Variants in CSMD1 observed in about 807,000 individuals in gnomAD.
CSMD1 encodes CUB and sushi domain-containing protein 1.
CSMD1 carries 213 observed loss-of-function variants against 417.5 expected under a neutral mutation model. That is an observed-to-expected ratio of 0.51 (90% CI 0.46 to 0.57). The LOEUF is 0.57. Ranked by LOEUF, CSMD1 falls within the 20% of genes least tolerant of loss-of-function variation. The probability of loss-of-function intolerance (pLI) is 0.00; values close to 1 mark genes in which losing one functional copy is unlikely to be tolerated. For missense variants in CSMD1, 6,923 were observed against 4,529.7 expected (o/e 1.53, Z -15.17); for synonymous variants, 2,862 against 1,736.8 (o/e 1.65, Z -16.11).
chr8:4,389,360 G>A (rs920528824), intron 3 of CSMD1, among the ~76,000 whole-genome samples: 19 of 152,108 alleles, frequency 1.2e-4, no homozygotes, highest in African/African-American at 4.3e-4. Context: ...GATATGTGGA[G>A]GGAGTACTTG....
intron 11 of CSMD1, among the ~76,000 whole-genome samples, chr8:3,481,406 T>A (rs1817742889): frequency 6.6e-6 from 1 of 152,124 alleles, no homozygotes; most frequent in African/African-American, 2.4e-5. Context: ...CAGATAATAA[T>A]TTCAAAAAGT....
At chr8:3,203,067 C>T (rs925867253) in intron 31 of CSMD1, among the ~76,000 whole-genome samples, 12 of 152,128 alleles carry the variant, frequency 7.9e-5, no homozygotes, top group African/African-American at 2.7e-4. Flanking sequence ...AAAAGTGAAT[C>T]ATCCACAGAT....
intron 17 of CSMD1, among the ~76,000 whole-genome samples, chr8:3,389,385 G>A (rs147888962): frequency 1.6e-3 from 237 of 152,164 alleles, no homozygotes; most frequent in African/African-American, 5.5e-3. Flanking sequence ...GCCTGTTGCT[G>A]CATTAGTTTG....
chr8:4,675,977 A>G (rs908793960), intron 1 of CSMD1, among the ~76,000 whole-genome samples: 6 of 152,214 alleles, frequency 3.9e-5, no homozygotes, highest in African/African-American at 9.6e-5. Context: ...TTTTATAGAT[A>G]ATAGCAATTC....
At chr8:4,603,445 G>C (rs1800701183) in intron 2 of CSMD1, among the ~76,000 whole-genome samples, 1 of 151,948 alleles carries the variant, frequency 6.6e-6, no homozygotes, top group Non-Finnish European at 1.5e-5. Flanking sequence ...GAATGTACAG[G>C]AGTTAGCAAG....
At chr8:3,353,751 T>C (rs1159527194) in intron 21 of CSMD1, among the ~76,000 whole-genome samples, 1 of 96,584 alleles carries the variant, frequency 1.0e-5, no homozygotes, top group Non-Finnish European at 2.4e-5. Flanking sequence ...AATACTAATT[T>C]AAGATGAATG....
At chr8:4,258,175 C>T (rs889996069) in intron 3 of CSMD1, among the ~76,000 whole-genome samples, 1 of 150,092 alleles carries the variant, frequency 6.7e-6, no homozygotes, top group Non-Finnish European at 1.5e-5. Context: ...AAACTCCTGG[C>T]CTCAAGCAAT....
chr8:3,317,423 A>C (rs17079915), intron 23 of CSMD1, among the ~76,000 whole-genome samples: 2,470 of 152,296 alleles, frequency 0.016, 70 homozygotes, highest in African/African-American at 0.056. Flanking sequence ...CAACATTGAC[A>C]CTCAATCACA....
chr8:3,841,522 G>C (rs1803130965), intron 5 of CSMD1, among the ~76,000 whole-genome samples: 1 of 152,018 alleles, frequency 6.6e-6, no homozygotes, highest in Non-Finnish European at 1.5e-5. Flanking sequence ...GGGATGTCTA[G>C]GGACTTGTAA....
chr8:3,644,639 C>T (rs369780053), intron 7 of CSMD1, among the ~76,000 whole-genome samples: 14 of 152,094 alleles, frequency 9.2e-5, no homozygotes, highest in African/African-American at 3.4e-4. Flanking sequence ...CCCCTATTAC[C>T]TTCAGTAAAG....
chr8:4,919,946 G>C (rs1195127475), intron 1 of CSMD1, among the ~76,000 whole-genome samples: 1 of 152,152 alleles, frequency 6.6e-6, no homozygotes, highest in Non-Finnish European at 1.5e-5. Context: ...CACCAGACCT[G>C]CCAATGCCTT....
chr8:4,025,439 A>G (rs1376353016), intron 4 of CSMD1, among the ~76,000 whole-genome samples: 1 of 152,230 alleles, frequency 6.6e-6, no homozygotes, highest in African/African-American at 2.4e-5. Context: ...TAATTTATGA[A>G]TCAATAATAA....
chr8:3,793,778 GA>G (rs1799883945), intron 5 of CSMD1, among the ~76,000 whole-genome samples: 1 of 152,110 alleles, frequency 6.6e-6, no homozygotes, highest in Admixed American at 6.6e-5. Flanking sequence ...TGACGACAGA[GA>G]CCTTGCCTTC....
intron 1 of CSMD1, among the ~76,000 whole-genome samples, chr8:4,757,014 T>C (rs1811708784): frequency 6.6e-6 from 1 of 152,156 alleles, no homozygotes. Context: ...ATTTTATTAG[T>C]AGACTGTTCT....
chr8:3,395,221 C>G (rs1811612228), intron 17 of CSMD1, among the ~76,000 whole-genome samples: 3 of 152,098 alleles, frequency 2.0e-5, no homozygotes, highest in Admixed American at 2.0e-4. Flanking sequence ...TACAATAGTA[C>G]TTGAGATAAA....
At chr8:4,788,079 G>A (rs751967319) in intron 1 of CSMD1, 2 of 1,600,918 alleles carry the variant, frequency 1.2e-6, no homozygotes, top group African/African-American at 1.3e-5. Context: ...AGAGAAAGTA[G>A]AGTTGCTTTT....
At chr8:4,822,766 C>T (rs1482940414) in intron 1 of CSMD1, among the ~76,000 whole-genome samples, 1 of 151,902 alleles carries the variant, frequency 6.6e-6, no homozygotes, top group Non-Finnish European at 1.5e-5. Flanking sequence ...TGTTTTTAAC[C>T]TCTGGGTATG....
chr8:4,052,659 T>C (rs1325911039), intron 3 of CSMD1, among the ~76,000 whole-genome samples: 3 of 152,112 alleles, frequency 2.0e-5, no homozygotes, highest in African/African-American at 4.8e-5. Context: ...AGAATTCTGA[T>C]AGAAGGAATC....
In CSMD1 at chr8:3,439,281, G is replaced by GTATATATATATATATATATA. The variant is rs1168340584; in HGVS notation, c.1561+29411_1561+29430dup. 5.0e-4 allele frequency among the ~76,000 whole-genome samples: 27 copies of GTATATATATATATATATATA among 54,316 alleles called. 1 individual carries two copies. Among genetic ancestry groups the GTATATATATATATATATATA allele is most frequent in the Admixed American group, 1.2e-3 (5 of 4,106 alleles). 35.6% of individuals were successfully genotyped at this position (54,316 alleles called of 152,430 possible). A position where few individuals can be genotyped will look rare whatever the true frequency, so the allele number is the denominator to read the frequency against. On this transcript the variant is annotated intron_variant, in intron 12 of 69. Transcript: ENST00000635120. ...TATTTGAGAGCATTTGGCAATGTCAGTATATATATATATATATATATATAT... is the reference window on the plus strand; with the variant it reads ...TATTTGAGAGCATTTGGCAATGTCAGTATATATATATATATATATATATATATATATATATATATATATAT...
Sources: gnomAD v4.1 joint callset for allele counts (sites outside exome capture counted in the v4.1 genomes callset) on GRCh38, gnomAD v4.1.1 for gene constraint, MANE v1.5 for transcripts, NCBI Gene and HGNC (gene_info 2026-07-23, HGNC 2026-07-21) for gene names.